The following TMEM170B variants were observed in gnomAD, a reference collection of about 807,000 sequenced individuals.
The protein encoded by TMEM170B is transmembrane protein 170B.
In TMEM170B, 6 loss-of-function variants were observed where a neutral mutation model predicts 13.0. That is an observed-to-expected ratio of 0.46 (90% CI 0.25 to 0.91). The LOEUF is 0.91. TMEM170B is among the 40% of genes least tolerant of loss of function. The probability of loss-of-function intolerance (pLI) is 0.17; values close to 1 mark genes in which losing one functional copy is unlikely to be tolerated. For synonymous variants in TMEM170B, 61 were observed against 64.9 expected, an observed-to-expected ratio of 0.94 and a Z score of 0.29; for missense variants, 138 against 165.2, an observed-to-expected ratio of 0.84 and a Z score of 0.90.
chr6:11,538,415 C>T, intron 1 of TMEM170B, 41 bp downstream of exon 1: 1 of 1,407,876 alleles, frequency 7.1e-7, no homozygotes, highest in South Asian at 1.3e-5. Context: ...ATGCGGTCCG[C>T]CCCTCTCCTG....
chr6:11,563,197 A>C (rs1759693194), intron 1 of TMEM170B, among the ~76,000 whole-genome samples: 1 of 152,070 alleles, frequency 6.6e-6, no homozygotes, highest in Non-Finnish European at 1.5e-5. Flanking sequence ...TTAGCCAGGC[A>C]TGGTGACGGG....
intron 2 of TMEM170B, among the ~76,000 whole-genome samples, chr6:11,568,258 G>A (rs1332313172): frequency 6.6e-6 from 1 of 152,160 alleles, no homozygotes; most frequent in East Asian, 1.9e-4. Context: ...GTTAATGTAA[G>A]AACCATACAA....
chr6:11,560,894 G>T (rs146501334), intron 1 of TMEM170B, among the ~76,000 whole-genome samples: 18 of 152,238 alleles, frequency 1.2e-4, no homozygotes, highest in African/African-American at 4.3e-4. Flanking sequence ...GTTGTTGAAG[G>T]ATTAAAAACA....
chr6:11,558,384 T>C (rs1020978133), intron 1 of TMEM170B, among the ~76,000 whole-genome samples: 5 of 152,202 alleles, frequency 3.3e-5, no homozygotes, highest in African/African-American at 7.2e-5. Context: ...ATATTCTCTA[T>C]TATATACAAT....
At chr6:11,568,147 G>A (rs1759758919) in intron 2 of TMEM170B, among the ~76,000 whole-genome samples, 1 of 152,092 alleles carries the variant, frequency 6.6e-6, no homozygotes, top group South Asian at 2.1e-4. Context: ...TAGGGAGAGA[G>A]AATAAAGAGG....
At chr6:11,555,341 C>A (rs1759574021) in intron 1 of TMEM170B, among the ~76,000 whole-genome samples, 2 of 152,012 alleles carry the variant, frequency 1.3e-5, no homozygotes, top group South Asian at 4.1e-4. Flanking sequence ...GGTTTTCACG[C>A]ATTTCACTAT....
intron 1 of TMEM170B, among the ~76,000 whole-genome samples, chr6:11,555,472 T>A (rs1759575680): frequency 1.3e-5 from 2 of 152,176 alleles, no homozygotes; most frequent in Non-Finnish European, 2.9e-5. Flanking sequence ...TTGATGACTT[T>A]TATTATTTTT....
chr6:11,552,847 C>G (rs1313824984), intron 1 of TMEM170B, among the ~76,000 whole-genome samples: 1 of 152,090 alleles, frequency 6.6e-6, no homozygotes, highest in Non-Finnish European at 1.5e-5. Context: ...TAGAGACTGG[C>G]TTAAGGTCTA....
intron 1 of TMEM170B, among the ~76,000 whole-genome samples, chr6:11,555,213 A>G (rs1759572541): frequency 1.3e-5 from 2 of 151,620 alleles, no homozygotes; most frequent in South Asian, 4.2e-4. Flanking sequence ...ATGTCACTCT[A>G]TTGTCTTCTG....
At chr6:11,552,337 T>A (rs186015411) in intron 1 of TMEM170B, among the ~76,000 whole-genome samples, 1 of 152,208 alleles carries the variant, frequency 6.6e-6, no homozygotes, top group Non-Finnish European at 1.5e-5. Flanking sequence ...TTTAACAGAT[T>A]ATATTAAATT....
At chr6:11,559,204 T>G (rs1239129600) in intron 1 of TMEM170B, among the ~76,000 whole-genome samples, 5 of 150,980 alleles carry the variant, frequency 3.3e-5, no homozygotes, top group African/African-American at 9.7e-5. Flanking sequence ...TTTCTTTTTT[T>G]TTTTTTTGAG....
chr6:11,551,049 G>A (rs989588192), intron 1 of TMEM170B, among the ~76,000 whole-genome samples: 1 of 152,144 alleles, frequency 6.6e-6, no homozygotes, highest in African/African-American at 2.4e-5. Context: ...TTCTGGCTCA[G>A]GGTCTTACAG....
chr6:11,540,141 C>G (rs569485536), intron 1 of TMEM170B, among the ~76,000 whole-genome samples: 1 of 152,164 alleles, frequency 6.6e-6, no homozygotes, highest in Non-Finnish European at 1.5e-5. Context: ...TGACTGCTGA[C>G]TGATCAAGGT....
Position 11,581,076 on chromosome 6 carries a change from G to T in TMEM170B, c.*5515G>T, listed in dbSNP as rs1256838692. ...CTGAAGTATTTTCAGTAAATGTGGAGATATATCAGATAATACTTTTAAATT... is the reference window on the plus strand; with the variant it reads ...CTGAAGTATTTTCAGTAAATGTGGATATATATCAGATAATACTTTTAAATT... On this transcript the variant is annotated 3_prime_UTR_variant, in exon 3 of 3. Transcript: ENST00000379426. 6.6e-6 allele frequency: 1 copy of T among 152,194 alleles called. No individual in the cohort carries two copies. The highest frequency in any genetic ancestry group is 1.9e-4 in the East Asian group (1 of 5,202). 9.4% of individuals were successfully genotyped at this position (152,194 alleles called of 1,614,324 possible). A position where few individuals can be genotyped will look rare whatever the true frequency, so the allele number is the denominator to read the frequency against.
intron 2 of TMEM170B, among the ~76,000 whole-genome samples, chr6:11,569,997 T>C (rs541856992): frequency 3.3e-5 from 5 of 152,084 alleles, no homozygotes; most frequent in Non-Finnish European, 7.4e-5. Flanking sequence ...TAACAGCTGT[T>C]GATGGGCCTT....
chr6:11,575,444 G>A lies in TMEM170B; in HGVS notation c.282G>A (p.Ala94=), dbSNP rs371108164. 1.7e-5 allele frequency: 28 copies of A among 1,613,252 alleles called. No individual in the cohort carries two copies. The highest frequency in any genetic ancestry group is 9.4e-5 in the African/African-American group (7 of 74,834). Residue 94 remains alanine, a synonymous_variant, in exon 3 of 3, where the codon GCG becomes GCA. Coordinates refer to ENST00000379426, the MANE Select transcript of TMEM170B (RefSeq NM_001100829.3). The surrounding 1 kb of genome is among the most constrained non-coding windows in gnomAD (Gnocchi z 4.1). ...TGAMITSAAV[A]GIYRVAGKNM... Reference sequence around the variant, plus strand: ...GTTTCTCCTTAGGTGCAGCAGTAGCGGGCATTTACAGAGTAGCTGGGAAGA... The same window carrying A: ...GTTTCTCCTTAGGTGCAGCAGTAGCAGGCATTTACAGAGTAGCTGGGAAGA...
intron 1 of TMEM170B, among the ~76,000 whole-genome samples, chr6:11,560,573 G>T (rs1354680272): frequency 2.9e-5 from 3 of 102,944 alleles, no homozygotes; most frequent in Non-Finnish European, 3.9e-5. Context: ...TAGCAAGACT[G>T]CTATCTCTTA....
Position 11,578,371 on chromosome 6 carries a change from A to T in TMEM170B, c.*2810A>T, listed in dbSNP as rs1759906950. 1 of 152,142 alleles carries T rather than the reference A, an allele frequency of 6.6e-6. No individual in the cohort carries two copies. Among genetic ancestry groups the T allele is most frequent in the African/African-American group, 2.4e-5 (1 of 41,436 alleles). 9.4% of individuals were successfully genotyped at this position (152,142 alleles called of 1,614,324 possible). ...CTCTATAGTGGACACTCCTTTATTT[A>T]AAAAATGTTTAATAAAATATTGTTT... On this transcript the variant is annotated 3_prime_UTR_variant, in exon 3 of 3. Transcript: ENST00000379426.
chr6:11,548,331 A>T, intron 1 of TMEM170B, among the ~76,000 whole-genome samples: 1 of 152,224 alleles, frequency 6.6e-6, no homozygotes, highest in East Asian at 1.9e-4. Flanking sequence ...AAAAATGCTC[A>T]TCATCGCTGG....
Sources: gnomAD v4.1 joint callset for allele counts (sites outside exome capture counted in the v4.1 genomes callset) on GRCh38, gnomAD v4.1.1 for gene constraint, Gnocchi (gnomAD v3.1) non-coding constraint, MANE v1.5 for transcripts, NCBI Gene and HGNC (gene_info 2026-07-23, HGNC 2026-07-21) for gene names.